PIEZO1: variants seen among roughly 807,000 people sequenced by gnomAD.
PIEZO1 encodes the protein piezo-type mechanosensitive ion channel component 1.
In PIEZO1, 296 loss-of-function variants were observed where a neutral mutation model predicts 297.2. The observed-to-expected ratio is 1.00, with a 90% CI of 0.91 to 1.10. The LOEUF (loss-of-function observed/expected upper bound fraction) is 1.10. PIEZO1 is among the 50% of genes least tolerant of loss of function. The pLI is 0.00. For missense variants in PIEZO1, 5,018 were observed against 3,455.5 expected (o/e 1.45, Z -11.34); for synonymous variants, 2,427 against 1,507.5 (o/e 1.61, Z -14.13).
At chr16:88,760,715 A>G (rs1490150525) in intron 1 of PIEZO1, among the ~76,000 whole-genome samples, 1 of 151,992 alleles carries the variant, frequency 6.6e-6, no homozygotes, top group Non-Finnish European at 1.5e-5. Context: ...CCTTTGACGC[A>G]GCAGCACCCA....
chr16:88,748,008 G>A lies in PIEZO1; in HGVS notation c.160+1376C>T, dbSNP rs74033393. On this transcript the variant is annotated intron_variant, in intron 2 of 50. Coordinates refer to ENST00000301015, the MANE Select transcript of PIEZO1 (RefSeq NM_001142864.4). ...CACCTCGTAGCCATGGACAGGCCCCGACGCTGCCAGCCTGATGCGTCCAGC... is the reference window on the plus strand; with the variant it reads ...CACCTCGTAGCCATGGACAGGCCCCAACGCTGCCAGCCTGATGCGTCCAGC... 2.7e-3 allele frequency among the ~76,000 whole-genome samples: 412 copies of A among 152,330 alleles called. 2 individuals carry two copies. Among genetic ancestry groups the A allele is most frequent in the African/African-American group, 9.6e-3 (399 of 41,568 alleles).
At chr16:88,734,850 G>T in intron 14 of PIEZO1, 25 bp downstream of exon 14, 1 of 1,549,634 alleles carries the variant, frequency 6.5e-7, no homozygotes, top group African/African-American at 1.4e-5. Context: ...CCGTGCCCCA[G>T]CCCCCATCCC....
intron 1 of PIEZO1, among the ~76,000 whole-genome samples, chr16:88,758,056 G>A (rs541870210): frequency 8.5e-5 from 13 of 152,224 alleles, no homozygotes; most frequent in African/African-American, 2.6e-4. Flanking sequence ...TAGGCCCTCC[G>A]GGGTTGGGGA....
intron 3 of PIEZO1, 31 bp downstream of exon 3, chr16:88,742,269 C>T (rs1318582777): frequency 1.3e-6 from 2 of 1,522,098 alleles, no homozygotes; most frequent in South Asian, 2.4e-5. Context: ...CCCAGGATGG[C>T]TATCCCTACC....
At chr16:88,755,901 C>A (rs1025950198) in intron 1 of PIEZO1, among the ~76,000 whole-genome samples, 1 of 152,172 alleles carries the variant, frequency 6.6e-6, no homozygotes, top group African/African-American at 2.4e-5. Context: ...ACATGAGAAA[C>A]CGGGGCCAGG....
intron 1 of PIEZO1, among the ~76,000 whole-genome samples, chr16:88,784,562 G>C (rs1346133518): frequency 1.3e-5 from 2 of 151,898 alleles, no homozygotes; most frequent in Non-Finnish European, 2.9e-5. Flanking sequence ...TTCCCACCGG[G>C]GCAAACACCG....
Position 88,721,856 on chromosome 16 carries a change from G to C in PIEZO1, c.5166C>G (p.Ile1722Met), listed in dbSNP as rs780777811. The C allele has an allele frequency of 4.5e-6, 7 of 1,549,732 alleles. No individual in the cohort carries two copies. The Middle Eastern group carries it at 6.7e-4, about 148-fold the overall frequency. Residue 1722 changes from isoleucine (I) to methionine (M), a missense_variant, in exon 37 of 51, where the codon ATC (isoleucine) becomes ATG (methionine). Coordinates refer to ENST00000301015, the MANE Select transcript of PIEZO1 (RefSeq NM_001142864.4). ...TCCAGAAGCGCTTGCTGGGCCTCGGGATCGACAGCATGGCCCACAGGAAGA... is the reference window on the plus strand; with the variant it reads ...TCCAGAAGCGCTTGCTGGGCCTCGGCATCGACAGCATGGCCCACAGGAAGA... ...VLVFLWAMLS[I>M]PRPSKRFWMT...
At chr16:88,783,905 G>T (rs1908049358) in intron 1 of PIEZO1, among the ~76,000 whole-genome samples, 1 of 152,180 alleles carries the variant, frequency 6.6e-6, no homozygotes, top group South Asian at 2.1e-4. Flanking sequence ...GCTCCGAAAG[G>T]GCTTTTACAA....
intron 30 of PIEZO1, 98 bp from the exon 31 acceptor site, chr16:88,724,069 C>T: frequency 1.4e-6 from 1 of 726,268 alleles, no homozygotes; most frequent in Non-Finnish European, 2.4e-6. Flanking sequence ...AGCCACCCTT[C>T]CCATGCGGAG....
chr16:88,743,733 G>A (rs575483976), intron 2 of PIEZO1: 17 of 436,508 alleles, frequency 3.9e-5, no homozygotes, highest in African/African-American at 6.0e-5. Flanking sequence ...CAGCCCTCAC[G>A]GATGCCCAGG....
chr16:88,717,491 G>C (rs996481265), intron 44 of PIEZO1: 1 of 589,948 alleles, frequency 1.7e-6, no homozygotes, highest in Non-Finnish European at 3.2e-6. Context: ...CCCCAGGCAG[G>C]AGAATGAAAC....
intron 1 of PIEZO1, among the ~76,000 whole-genome samples, chr16:88,752,158 T>C (rs1403117757): frequency 6.6e-6 from 1 of 152,236 alleles, no homozygotes; most frequent in Non-Finnish European, 1.5e-5. Context: ...TGCTTACCGC[T>C]GCTGACCTGT....
intron 22 of PIEZO1, 166 bp from the exon 23 acceptor site, chr16:88,727,827 TCA>T (rs1371131578): frequency 1.2e-5 from 5 of 424,762 alleles, no homozygotes; most frequent in Admixed American, 4.1e-5. Context: ...TCCTGTGTGT[TCA>T]CACACACAGA....
chr16:88,715,660 A>G lies in PIEZO1; in HGVS notation c.7511T>C (p.Ile2504Thr). 6.5e-7 allele frequency: 1 copy of G among 1,550,310 alleles called. No individual in the cohort carries two copies. The highest frequency in any genetic ancestry group is 1.4e-5 in the African/African-American group (1 of 73,172). ...GGTCTCCGGTGAGCGGTAGAGGAAG[A>G]TGAGCTTGGCGTACAACTCCTCCTC... ...ELEEELYAKL[I>T]FLYRSPETMI... is the part of the protein sequence containing the mutation. The change falls in exon 51 of 51, where the codon ATC (isoleucine) becomes ACC (threonine). Residue 2504 changes from isoleucine to threonine, a missense_variant. Physicochemically the swap from Ile to Thr is moderately conservative, Grantham distance 89. Transcript: ENST00000301015.
Position 88,715,347 on chromosome 16 carries a change from C to A in PIEZO1, c.*258G>T. On this transcript the variant is annotated 3_prime_UTR_variant, in exon 51 of 51. Coordinates refer to ENST00000301015, the MANE Select transcript of PIEZO1 (RefSeq NM_001142864.4). ...GGACGGGGGACTGGCCTCTGATTGTCCATTTGTATAAATAAAACATTTTTT... is the reference window on the plus strand; with the variant it reads ...GGACGGGGGACTGGCCTCTGATTGTACATTTGTATAAATAAAACATTTTTT... 1 of 1,289,626 alleles carries A rather than the reference C, an allele frequency of 7.8e-7. No individual in the cohort carries two copies. Among genetic ancestry groups the A allele is most frequent in the South Asian group, 1.3e-5 (1 of 74,826 alleles). The allele number at this position is 1,289,626 out of a possible 1,614,324, so 79.9% of individuals were successfully genotyped here. A position where few individuals can be genotyped will look rare whatever the true frequency, so the allele number is the denominator to read the frequency against.
rs531711677 is a variant in PIEZO1, at chr16:88,720,423, C to T, written c.5911G>A (p.Asp1971Asn). ...AAGCCAAAAATGATGATGATGAAGT[C>T]GACAACATCAGCCAGGAACATGAGG... Reference protein sequence around the residue: ...YALMFLADVVDFIIIIFGFWA... With the variant: ...YALMFLADVVNFIIIIFGFWA... Residue 1971 changes from aspartate (D) to asparagine (N), a missense_variant, in exon 41 of 51, where the codon GAC becomes AAC. Physicochemically the swap from Asp to Asn is conservative, Grantham distance 23. Coordinates refer to ENST00000301015, the MANE Select transcript of PIEZO1 (RefSeq NM_001142864.4). The T allele has an allele frequency of 1.2e-5, 18 of 1,550,438 alleles. No homozygotes were observed. Among genetic ancestry groups the T allele is most frequent in the South Asian group, 1.1e-4 (9 of 84,026 alleles).
At chr16:88,743,609 G>C (rs773148773) in intron 2 of PIEZO1, 2 of 456,520 alleles carry the variant, frequency 4.4e-6, no homozygotes, top group African/African-American at 2.0e-5. Flanking sequence ...AGCACAAATG[G>C]TGTTAGGTGA....
chr16:88,731,959 A>ATGCACTGAGGCTGGGGGGGGGGGG (rs1482630762), intron 21 of PIEZO1, 49 bp from the exon 22 acceptor site: 1 of 63,334 alleles, frequency 1.6e-5, no homozygotes, highest in Non-Finnish European at 2.9e-5. Context: ...GTCTGGGGGG[A>ATGCACTGAGGCTGGGGGGGGGGGG]GGGACTTTCT....
chr16:88,761,759 T>TCC (rs1906944676), intron 1 of PIEZO1, among the ~76,000 whole-genome samples: 1 of 58,428 alleles, frequency 1.7e-5, no homozygotes, highest in Admixed American at 1.5e-4. Context: ...CCTCCGCACC[T>TCC]CCCCCTCCCT....
Sources: allele counts gnomAD v4.1 joint callset (sites outside exome capture counted in the v4.1 genomes callset), GRCh38; gene constraint gnomAD v4.1.1; transcripts MANE v1.5; gene names NCBI Gene and HGNC (gene_info 2026-07-23, HGNC 2026-07-21).